Variants in PSD observed in about 807,000 individuals in gnomAD.
PSD encodes pleckstrin and Sec7 domain containing.
Under a neutral mutation model 91.6 loss-of-function variants are expected in PSD, and 32 were observed. The observed-to-expected ratio is 0.35, with a 90% CI of 0.26 to 0.47. The LOEUF (loss-of-function observed/expected upper bound fraction) is 0.47. Ranked by LOEUF, PSD falls within the 20% of genes least tolerant of loss-of-function variation. The pLI, the probability that PSD is intolerant of heterozygous loss-of-function variation, is 1.00. For synonymous variants in PSD, 532 were observed against 569.3 expected (o/e 0.93, Z 0.93); for missense variants, 1,099 against 1,373.9 (o/e 0.80, Z 3.16).
chr10:102,415,945 G>T, intron 3 of PSD, 72 bp downstream of exon 3: 1 of 1,165,260 alleles, frequency 8.6e-7, no homozygotes, highest in Non-Finnish European at 1.2e-6. Context: ...TTGAAGGAGG[G>T]CTCCCTACTG....
Position 102,405,180 on chromosome 10 carries a change from C to T in PSD, c.2397+3G>A. 1 of 1,611,018 alleles carries T rather than the reference C, an allele frequency of 6.2e-7. No homozygotes were observed. The highest frequency in any genetic ancestry group is 2.2e-5 in the East Asian group (1 of 44,876). On this transcript the variant is annotated splice_donor_region_variant and intron_variant, in intron 13 of 16. Coordinates refer to ENST00000020673, the MANE Select transcript of PSD (RefSeq NM_002779.5). The surrounding 1 kb of genome is among the most constrained non-coding windows in gnomAD (Gnocchi z 5.4). ...GCCCCAGCCCCCTGGCCTGACCCCG[C>T]ACCTTCTGCAGGTAGAGGATCATGC...
In PSD at chr10:102,404,505, G is replaced by A. The variant is rs186267221; in HGVS notation, c.2700+78C>T. 114 of 1,506,572 alleles carry A rather than the reference G, an allele frequency of 7.6e-5. No individual in the cohort carries two copies. In the African/African-American group the frequency reaches 1.1e-3, roughly 15 times the overall value. The allele number at this position is 1,506,572 out of a possible 1,614,324, so 93.3% of individuals were successfully genotyped here. ...GCAGGGGACATCTCCACGATCACAC[G>A]CAGCAGCCTTGAGTGCAGTGGGCCT... is the stretch of plus-strand genomic sequence containing the variant. On this transcript the variant is annotated intron_variant, in intron 15 of 16. Transcript: ENST00000020673. This position sits in a 1 kb window ranked among gnomAD's most constrained non-coding sequence, Gnocchi z 5.7.
chr10:102,412,631 A>C, intron 5 of PSD, 56 bp from the exon 6 acceptor site: 2 of 1,482,180 alleles, frequency 1.3e-6, no homozygotes, highest in Non-Finnish European at 1.8e-6. Context: ...AGCCATCCAG[A>C]CCCTCCTTCT....
chr10:102,412,283 G>A, intron 6 of PSD, 56 bp from the exon 7 acceptor site: 2 of 1,607,416 alleles, frequency 1.2e-6, no homozygotes, highest in East Asian at 2.2e-5. Flanking sequence ...AGGGGGTCAG[G>A]TGGGGATTAC....
intron 5 of PSD, 57 bp from the exon 6 acceptor site, chr10:102,412,632 C>T: frequency 6.8e-7 from 1 of 1,476,910 alleles, no homozygotes; most frequent in Non-Finnish European, 9.2e-7. Context: ...GCCATCCAGA[C>T]CCTCCTTCTG....
At chr10:102,406,655 G>C (rs530899181) in intron 11 of PSD, among the ~76,000 whole-genome samples, 55 of 152,180 alleles carry the variant, frequency 3.6e-4, no homozygotes, top group African/African-American at 1.0e-3. Flanking sequence ...CTACAGGTGC[G>C]TGCCACCACG....
chr10:102,410,727 C>T lies in PSD; in HGVS notation c.2091+131G>A. ...CGGTCCCCAGGCTGAGTCACGAGAG[C>T]CCGGGCTTCCGTGGCAGGAGCCGGG... On this transcript the variant is annotated intron_variant, in intron 10 of 16. Coordinates refer to ENST00000020673, the MANE Select transcript of PSD (RefSeq NM_002779.5). This position sits in a 1 kb window ranked among gnomAD's most constrained non-coding sequence, Gnocchi z 6.0. The T allele has an allele frequency of 1.3e-6, 1 of 749,598 alleles. No homozygotes were observed. The highest frequency in any genetic ancestry group is 2.3e-6 in the Non-Finnish European group (1 of 427,970). 46.4% of individuals were successfully genotyped at this position (749,598 alleles called of 1,614,324 possible).
chr10:102,407,188 C>A lies in PSD; in HGVS notation c.2135+35G>T, dbSNP rs745878512. On this transcript the variant is annotated intron_variant, in intron 11 of 16. Transcript: ENST00000020673. ...CCCCAGGCAGCCCCTTCCCCATGCCCCATCCTAGCCCCACCACGCAGCCCC... is the reference window on the plus strand; with the variant it reads ...CCCCAGGCAGCCCCTTCCCCATGCCACATCCTAGCCCCACCACGCAGCCCC... 5.0e-6 allele frequency: 8 copies of A among 1,586,606 alleles called. No homozygotes were observed. The East Asian group carries it at 1.9e-4, about 37-fold the overall frequency.
chr10:102,403,023 C>G lies in PSD; in HGVS notation c.*177G>C. 1 of 419,516 alleles carries G rather than the reference C, an allele frequency of 2.4e-6. No homozygotes were observed. The highest frequency in any genetic ancestry group is 4.1e-6 in the Non-Finnish European group (1 of 242,794). The allele number at this position is 419,516 out of a possible 1,614,324, so 26.0% of individuals were successfully genotyped here. ...CAAAAAGGGGCTCTCGGAGGTGCCC[C>G]TAGCCTAGGCTCCTGAGGCCCAGGC... On this transcript the variant is annotated 3_prime_UTR_variant, in exon 17 of 17. Coordinates refer to ENST00000020673, the MANE Select transcript of PSD (RefSeq NM_002779.5). This position sits in a 1 kb window ranked among gnomAD's most constrained non-coding sequence, Gnocchi z 6.7.
At position 102,404,998 on chromosome 10, in the gene PSD, T is replaced by G. The variant is rs1405246206; in HGVS notation, c.2455A>C (p.Ile819Leu). The G allele has an allele frequency of 6.2e-7, 1 of 1,614,070 alleles. No individual in the cohort carries two copies. The highest frequency in any genetic ancestry group is 8.5e-7 in the Non-Finnish European group (1 of 1,179,974). The change falls in exon 14 of 17, where the codon ATC (isoleucine) becomes CTC (leucine). Residue 819 changes from isoleucine (I) to leucine (L), a missense_variant. Transcript: ENST00000020673. This position sits in a 1 kb window ranked among gnomAD's most constrained non-coding sequence, Gnocchi z 5.7. Reference sequence around the variant, plus strand: ...GCACGAGTGGCCAGGGCATGGTGGATGCTGATGGCATTCTTGAGCTCCGTC... The same window carrying G: ...GCACGAGTGGCCAGGGCATGGTGGAGGCTGATGGCATTCTTGAGCTCCGTC... ...SETELKNAIS[I>L]HHALATRASD... is the part of the protein sequence containing the mutation.
At chr10:102,415,342 G>GAGA in intron 3 of PSD, 113 bp from the exon 4 acceptor site, 2 of 1,282,168 alleles carry the variant, frequency 1.6e-6, no homozygotes, top group East Asian at 2.5e-5. Context: ...TTCTTTCACT[G>GAGA]TCTAGCCACC....
Position 102,403,404 on chromosome 10 carries a change from C to G in PSD, c.2871G>C (p.Ala957=), listed in dbSNP as rs199509361. Reference sequence around the variant, plus strand: ...CTGCCTTCAGCTTGACCCGAAGCAGCGCTGCATAGGTGCTGTAGCGGGATT... The same window carrying G: ...CTGCCTTCAGCTTGACCCGAAGCAGGGCTGCATAGGTGCTGTAGCGGGATT... The part of the protein sequence containing the change: ...FEKSRYSTYA[A]LLRVKLKAGS... Residue 957 remains alanine, a synonymous_variant, in exon 17 of 17, where the codon GCG becomes GCC. Transcript: ENST00000020673. The surrounding 1 kb of genome is among the most constrained non-coding windows in gnomAD (Gnocchi z 6.7). The G allele has an allele frequency of 1.2e-6, 2 of 1,612,558 alleles. No homozygotes were observed. Among genetic ancestry groups the G allele is most frequent in the Non-Finnish European group, 1.7e-6 (2 of 1,179,838 alleles).
At chr10:102,412,027 T>C (rs1269272647) in intron 7 of PSD, 120 bp downstream of exon 7, 3 of 1,203,784 alleles carry the variant, frequency 2.5e-6, no homozygotes, top group Admixed American at 3.4e-5. Flanking sequence ...TGCCCAGCCA[T>C]CTTGGGAAGG....
rs1212373581 is a variant in PSD at position 102,405,972 on chromosome 10, C to T, written c.2136-436G>A. 1 of 173,058 alleles carries T rather than the reference C, an allele frequency of 5.8e-6. No homozygotes were observed. Among genetic ancestry groups the T allele is most frequent in the African/African-American group, 2.4e-5 (1 of 42,214 alleles). 10.7% of individuals were successfully genotyped at this position (173,058 alleles called of 1,614,324 possible). ...GTGCCGCCCCCACCCCAACCCCATA[C>T]ATCCTGGTCTACAGGCTCAGTCAGA... On this transcript the variant is annotated intron_variant, in intron 11 of 16. Coordinates refer to ENST00000020673, the MANE Select transcript of PSD (RefSeq NM_002779.5). This position sits in a 1 kb window ranked among gnomAD's most constrained non-coding sequence, Gnocchi z 5.4.
At chr10:102,412,703 C>T in intron 5 of PSD, 128 bp from the exon 6 acceptor site, 2 of 795,236 alleles carry the variant, frequency 2.5e-6, no homozygotes, top group South Asian at 1.9e-5. Context: ...AAGCATTCTT[C>T]TTTTTTCCAG....
Position 102,417,088 on chromosome 10 carries a change from G to A in PSD, c.-50C>T, listed in dbSNP as rs746850898. The A allele has an allele frequency of 1.2e-5, 13 of 1,042,272 alleles. No individual in the cohort carries two copies. Among genetic ancestry groups the A allele is most frequent in the Non-Finnish European group, 5.6e-6 (4 of 714,476 alleles). 64.6% of individuals were successfully genotyped at this position (1,042,272 alleles called of 1,614,324 possible). A position where few individuals can be genotyped will look rare whatever the true frequency, so the allele number is the denominator to read the frequency against. The stretch of plus-strand genomic sequence containing the variant: ...GGGGCAGGGATGGCGAGGCCAGGCG[G>A]GGAGTAAGGGGGCTGCATGCTCTTC... On this transcript the variant is annotated 5_prime_UTR_variant, in exon 2 of 17. Transcript: ENST00000020673.
At chr10:102,418,096 CACAT>C (rs1179327102) in intron 1 of PSD, among the ~76,000 whole-genome samples, 4 of 150,362 alleles carry the variant, frequency 2.7e-5, no homozygotes, top group Non-Finnish European at 5.9e-5. Flanking sequence ...CACACGCACA[CACAT>C]ACATAAGGAC....
Position 102,414,814 on chromosome 10 carries a change from G to A in PSD, c.1124+49C>T. ...GCTCTGCCTGTGGGCCAGTGCGAAG[G>A]AGCAAGCCGCTTCCCTCTCCCACTT... On this transcript the variant is annotated intron_variant, in intron 4 of 16. Coordinates refer to ENST00000020673, the MANE Select transcript of PSD (RefSeq NM_002779.5). This position sits in a 1 kb window ranked among gnomAD's most constrained non-coding sequence, Gnocchi z 5.6. 1 of 1,485,992 alleles carries A rather than the reference G, an allele frequency of 6.7e-7. No homozygotes were observed. The highest frequency in any genetic ancestry group is 2.3e-5 in the East Asian group (1 of 43,588). 92.1% of individuals were successfully genotyped at this position (1,485,992 alleles called of 1,614,324 possible). A position where few individuals can be genotyped will look rare whatever the true frequency, so the allele number is the denominator to read the frequency against.
At chr10:102,411,883 G>A (rs1475516252) in intron 7 of PSD, 64 bp from the exon 8 acceptor site, 13 of 1,251,210 alleles carry the variant, frequency 1.0e-5, no homozygotes, top group Non-Finnish European at 1.5e-5. Flanking sequence ...TCTCTGGGGT[G>A]ACAGGAGGCT....
Sources: allele counts gnomAD v4.1 joint callset (sites outside exome capture counted in the v4.1 genomes callset), GRCh38; gene constraint gnomAD v4.1.1; non-coding constraint Gnocchi (gnomAD v3.1); transcripts MANE v1.5; gene names NCBI Gene and HGNC (gene_info 2026-07-23, HGNC 2026-07-21).